ZNRF3: variants seen among roughly 807,000 people sequenced by gnomAD.
The protein encoded by ZNRF3 is zinc and ring finger 3.
In ZNRF3, 23 loss-of-function variants were observed where a neutral mutation model predicts 72.5. The ratio of observed to expected loss-of-function variants is 0.32; its 90% confidence interval spans 0.23 to 0.45. The LOEUF (loss-of-function observed/expected upper bound fraction) is 0.45. Among genes scored for constraint, ZNRF3 ranks in the 20% least tolerant of loss-of-function variants. The pLI is 1.00. For synonymous variants in ZNRF3, 610 were observed against 545.3 expected (o/e 1.12, Z -1.65); for missense variants, 1,169 against 1,272.1 (o/e 0.92, Z 1.23).
chr22:28,906,133 T>C (rs555460895), intron 1 of ZNRF3, among the ~76,000 whole-genome samples: 1 of 152,352 alleles, frequency 6.6e-6, no homozygotes, highest in Non-Finnish European at 1.5e-5. Context: ...GAGACCAGCC[T>C]GGGCAACGTG....
At chr22:28,892,971 C>T (rs549727704) in intron 1 of ZNRF3, among the ~76,000 whole-genome samples, 259 of 152,034 alleles carry the variant, frequency 1.7e-3, no homozygotes, top group Non-Finnish European at 2.0e-3. Context: ...ATCGAGACCA[C>T]CCTGACTAAC....
At chr22:28,979,149 CATCTGGACCT>C (rs1022891352) in intron 1 of ZNRF3, among the ~76,000 whole-genome samples, 2 of 152,212 alleles carry the variant, frequency 1.3e-5, no homozygotes, top group African/African-American at 4.8e-5. Flanking sequence ...CTTCTGGCCC[CATCTGGACCT>C]GTCATTCAAC....
intron 2 of ZNRF3, among the ~76,000 whole-genome samples, chr22:29,039,784 CAAAAAAAAAAA>C (rs397976678): frequency 8.2e-5 from 7 of 85,324 alleles, no homozygotes; most frequent in Admixed American, 2.7e-4. Context: ...TCGTCTCTAC[CAAAAAAAAAAA>C]AAAAAAAAAA....
chr22:29,021,487 A>G (rs2036538336), intron 2 of ZNRF3, among the ~76,000 whole-genome samples: 2 of 130,766 alleles, frequency 1.5e-5, no homozygotes, highest in African/African-American at 5.4e-5. Flanking sequence ...TCCTTGTTTT[A>G]ATCTTTTTTT....
chr22:28,940,693 G>A (rs926537042), intron 1 of ZNRF3, among the ~76,000 whole-genome samples: 50 of 152,218 alleles, frequency 3.3e-4, no homozygotes, highest in African/African-American at 1.1e-3. Context: ...AAGGTTCAAA[G>A]GGCAGGAGTG....
In ZNRF3 at chr22:28,944,962, T is replaced by TA. The variant is rs1555971928; in HGVS notation, c.301-42112dup. Among the ~76,000 whole-genome samples, 205 of 140,616 alleles carry TA rather than the reference T, an allele frequency of 1.5e-3. 2 individuals carry two copies. The South Asian group carries it at 0.026, about 18-fold the overall frequency. The allele number at this position is 140,616 out of a possible 152,430, so 92.2% of individuals were successfully genotyped here. A position where few individuals can be genotyped will look rare whatever the true frequency, so the allele number is the denominator to read the frequency against. On this transcript the variant is annotated intron_variant, in intron 1 of 8. Transcript: ENST00000544604. ...ATAAATAAATAAATAAATAAATAAA[T>TA]AATAATAATACTCATACTCCTTGAC...
intron 1 of ZNRF3, among the ~76,000 whole-genome samples, chr22:28,903,740 C>G (rs528299096): frequency 6.6e-6 from 1 of 152,194 alleles, no homozygotes; most frequent in South Asian, 2.1e-4. Flanking sequence ...GTGTTTTCCG[C>G]AAGAGGTTCC....
intron 2 of ZNRF3, among the ~76,000 whole-genome samples, chr22:29,041,364 C>T (rs1282258821): frequency 6.6e-6 from 1 of 152,098 alleles, no homozygotes; most frequent in Non-Finnish European, 1.5e-5. Flanking sequence ...AGACTGGTCT[C>T]GAACTCCAGC....
intron 1 of ZNRF3, among the ~76,000 whole-genome samples, chr22:28,957,813 G>A (rs1019121029): frequency 6.6e-6 from 1 of 152,232 alleles, no homozygotes; most frequent in Admixed American, 6.5e-5. Context: ...CCGTGATTAG[G>A]GGTGGGAAAT....
At chr22:29,016,776 A>G (rs751698057) in intron 2 of ZNRF3, among the ~76,000 whole-genome samples, 9 of 152,182 alleles carry the variant, frequency 5.9e-5, no homozygotes, top group Non-Finnish European at 1.3e-4. Flanking sequence ...ATCTCAGAGC[A>G]TTGTTCATTC....
Position 29,044,925 on chromosome 22 carries a change from C to T in ZNRF3, c.744+35C>T, listed in dbSNP as rs758248189. ...CTGTGTGTAGCCCGTGAGCAGTAACCCCTCTTGCCGTGACACTGGGGAAAA... is the reference window on the plus strand; with the variant it reads ...CTGTGTGTAGCCCGTGAGCAGTAACTCCTCTTGCCGTGACACTGGGGAAAA... On this transcript the variant is annotated intron_variant, in intron 5 of 8. Coordinates refer to ENST00000544604, the MANE Select transcript of ZNRF3 (RefSeq NM_001206998.2). 2.0e-6 allele frequency: 3 copies of T among 1,476,326 alleles called. No individual in the cohort carries two copies. The African/African-American group carries it at 4.2e-5, about 21-fold the overall frequency. The allele number at this position is 1,476,326 out of a possible 1,614,324, so 91.5% of individuals were successfully genotyped here.
chr22:28,903,098 G>T (rs1412957447), intron 1 of ZNRF3, among the ~76,000 whole-genome samples: 4 of 152,284 alleles, frequency 2.6e-5, no homozygotes, highest in South Asian at 2.1e-4. Flanking sequence ...AGAGGTGCAG[G>T]CTGCTCATTT....
chr22:28,914,294 T>C (rs1391932327), intron 1 of ZNRF3, among the ~76,000 whole-genome samples: 2 of 152,072 alleles, frequency 1.3e-5, no homozygotes, highest in Non-Finnish European at 2.9e-5. Context: ...TGAATGGAAG[T>C]GCATTTTCCG....
rs201356225 is a variant in ZNRF3 at position 29,054,730 on chromosome 22, CTG to C, written c.*1113_*1114del. The C allele has an allele frequency of 0.014, 2,196 of 152,898 alleles. 31 individuals are homozygous for C. The highest frequency in any genetic ancestry group is 0.055 in the East Asian group (283 of 5,188). The allele number at this position is 152,898 out of a possible 1,614,324, so 9.5% of individuals were successfully genotyped here. A position where few individuals can be genotyped will look rare whatever the true frequency, so the allele number is the denominator to read the frequency against. ...ACACCCATGTGCAGTGCGCCTGCAT[CTG>C]TGTGGGGGCAGCCACACCCCTTGGC... On this transcript the variant is annotated 3_prime_UTR_variant, in exon 9 of 9. Transcript: ENST00000544604.
At position 29,049,772 on chromosome 22, in the gene ZNRF3, T is replaced by G; in HGVS notation, c.1591T>G (p.Cys531Gly). 6.3e-7 allele frequency: 1 copy of G among 1,597,870 alleles called. No individual in the cohort carries two copies. The highest frequency in any genetic ancestry group is 1.1e-5 in the South Asian group (1 of 89,520). Reference protein sequence around the residue: ...LESGSTSSFSCYHGHRSVCSG... With the variant: ...LESGSTSSFSGYHGHRSVCSG... ...GAGCGGCAGCACGTCCAGCTTCAGC[T>G]GCTATCACGGCCACCGCTCGGTGTG... The change falls in exon 8 of 9, where the codon TGC (cysteine) becomes GGC (glycine). Residue 531 changes from cysteine to glycine, a missense_variant. By Grantham distance (159) the Cys-to-Gly change is radical. Coordinates refer to ENST00000544604, the MANE Select transcript of ZNRF3 (RefSeq NM_001206998.2). The surrounding 1 kb of genome is among the most constrained non-coding windows in gnomAD (Gnocchi z 5.2).
At chr22:29,034,948 C>T (rs1180623799) in intron 2 of ZNRF3, among the ~76,000 whole-genome samples, 3 of 149,966 alleles carry the variant, frequency 2.0e-5, no homozygotes, top group Non-Finnish European at 4.4e-5. Context: ...ATGGTTAATG[C>T]AAATAGAATT....
At chr22:28,985,541 A>T (rs2123826874) in intron 1 of ZNRF3, among the ~76,000 whole-genome samples, 1 of 152,264 alleles carries the variant, frequency 6.6e-6, no homozygotes, top group South Asian at 2.1e-4. Flanking sequence ...AGAGCTGGAA[A>T]CTTTTTTTCT....
chr22:28,928,776 G>A (rs1027158715), intron 1 of ZNRF3, among the ~76,000 whole-genome samples: 2 of 151,478 alleles, frequency 1.3e-5, no homozygotes, highest in African/African-American at 2.4e-5. Flanking sequence ...GATTACAGGC[G>A]TGAGCCACCG....
At chr22:29,012,906 G>T (rs1256167855) in intron 2 of ZNRF3, among the ~76,000 whole-genome samples, 2 of 152,178 alleles carry the variant, frequency 1.3e-5, no homozygotes, top group East Asian at 3.8e-4. Context: ...AGGGGAAGGG[G>T]CTAAGCTACA....
Sources: gnomAD v4.1 joint callset for allele counts (sites outside exome capture counted in the v4.1 genomes callset) on GRCh38, gnomAD v4.1.1 for gene constraint, Gnocchi (gnomAD v3.1) non-coding constraint, MANE v1.5 for transcripts, NCBI Gene and HGNC (gene_info 2026-07-23, HGNC 2026-07-21) for gene names.